The following SGCZ variants were observed in gnomAD, a reference collection of about 807,000 sequenced individuals.
The protein encoded by SGCZ is sarcoglycan zeta.
A neutral mutation model predicts 41.3 loss-of-function variants in SGCZ; 40 were observed. The observed-to-expected ratio is 0.97, with a 90% confidence interval of 0.75 to 1.26. The LOEUF (loss-of-function observed/expected upper bound fraction) is 1.26. Among genes scored for constraint, SGCZ ranks in the 50% most tolerant of loss-of-function variants. The probability of loss-of-function intolerance (pLI) is 0.00; values close to 1 mark genes in which losing one functional copy is unlikely to be tolerated. For missense variants in SGCZ, 552 were observed against 369.8 expected, an observed-to-expected ratio of 1.49 and a Z score of -4.04; for synonymous variants, 206 against 137.5, an observed-to-expected ratio of 1.50 and a Z score of -3.49.
chr8:14,143,178 G>T (rs1425463120), intron 5 of SGCZ, among the ~76,000 whole-genome samples: 1 of 152,034 alleles, frequency 6.6e-6, no homozygotes, highest in African/African-American at 2.4e-5. Context: ...ATTTGACAAA[G>T]AACGTATTTT....
chr8:14,880,993 G>A (rs1222290351), intron 1 of SGCZ, among the ~76,000 whole-genome samples: 1 of 151,738 alleles, frequency 6.6e-6, no homozygotes, highest in Non-Finnish European at 1.5e-5. Context: ...CTTAGTAAGA[G>A]CCCAAAATAC....
chr8:15,001,419 T>C (rs1802415594), intron 1 of SGCZ, among the ~76,000 whole-genome samples: 1 of 152,080 alleles, frequency 6.6e-6, no homozygotes, highest in African/African-American at 2.4e-5. Flanking sequence ...GTCGTGTGCA[T>C]TCTAGGGTGA....
At chr8:14,353,806 C>T (rs904476538) in intron 2 of SGCZ, among the ~76,000 whole-genome samples, 6 of 151,928 alleles carry the variant, frequency 3.9e-5, no homozygotes, top group African/African-American at 7.3e-5. Context: ...CTCCTAGAGA[C>T]CTAAGGATGA....
At chr8:14,221,908 C>A (rs1458733217) in intron 4 of SGCZ, among the ~76,000 whole-genome samples, 7 of 151,434 alleles carry the variant, frequency 4.6e-5, no homozygotes, top group Admixed American at 3.9e-4. Flanking sequence ...TTGCAGTGAG[C>A]CGAGATCATG....
chr8:14,493,349 A>G (rs927925794), intron 2 of SGCZ, among the ~76,000 whole-genome samples: 3 of 68,804 alleles, frequency 4.4e-5, no homozygotes, highest in Non-Finnish European at 6.1e-5. Flanking sequence ...TTTTCCCACT[A>G]TCATCCTTTC....
At position 14,382,214 on chromosome 8, in the gene SGCZ, C is replaced by A. The variant is rs924108772; in HGVS notation, c.235-58010G>T. On this transcript the variant is annotated intron_variant, in intron 2 of 7. Coordinates refer to ENST00000382080, the MANE Select transcript of SGCZ (RefSeq NM_139167.4). The stretch of plus-strand genomic sequence containing the variant: ...TGACAATGAAATTAGATATCATCAC[C>A]CCCTTGAGCTCTTCTGTGTAGCTGG... 2.6e-5 allele frequency among the ~76,000 whole-genome samples: 4 copies of A among 152,144 alleles called. 1 individual carries two copies. The South Asian group carries it at 8.3e-4, about 32-fold the overall frequency.
chr8:15,164,762 A>G (rs1198783406), intron 1 of SGCZ, among the ~76,000 whole-genome samples: 2 of 151,938 alleles, frequency 1.3e-5, no homozygotes, highest in Admixed American at 6.6e-5. Flanking sequence ...GCTGTGGCCA[A>G]TCTGGTGTGC....
At chr8:15,197,205 G>C (rs1262661610) in intron 1 of SGCZ, among the ~76,000 whole-genome samples, 1 of 152,128 alleles carries the variant, frequency 6.6e-6, no homozygotes. Context: ...ACCCTGTCAG[G>C]TGTCTTTATT....
rs138556501 is a variant in SGCZ at position 14,354,873 on chromosome 8, A to T, written c.235-30669T>A. On this transcript the variant is annotated intron_variant, in intron 2 of 7. Coordinates refer to ENST00000382080, the MANE Select transcript of SGCZ (RefSeq NM_139167.4). ...AGTAAAGCAACACAAATTTTATATAAATTTATAATATATTGTAAAATTTTA... is the reference window on the plus strand; with the variant it reads ...AGTAAAGCAACACAAATTTTATATATATTTATAATATATTGTAAAATTTTA... Among the ~76,000 whole-genome samples the T allele has an allele frequency of 1.9e-3, 284 of 152,004 alleles. 1 individual carries two copies. Among genetic ancestry groups the T allele is most frequent in the African/African-American group, 6.7e-3 (279 of 41,532 alleles).
intron 1 of SGCZ, among the ~76,000 whole-genome samples, chr8:14,717,009 T>C (rs1809711494): frequency 6.6e-6 from 1 of 152,144 alleles, no homozygotes. Context: ...GCATGAAAGG[T>C]ATGTAGTAAA....
intron 5 of SGCZ, among the ~76,000 whole-genome samples, chr8:14,146,468 C>T (rs1803523452): frequency 6.6e-6 from 1 of 152,076 alleles, no homozygotes; most frequent in Admixed American, 6.6e-5. Flanking sequence ...AAGAAAAGGA[C>T]ATTAATTAGC....
intron 3 of SGCZ, among the ~76,000 whole-genome samples, chr8:14,289,997 T>G (rs1394322811): frequency 6.6e-6 from 1 of 151,512 alleles, no homozygotes; most frequent in Non-Finnish European, 1.5e-5. Context: ...AAACAGCAGA[T>G]CTTGTGAGAA....
chr8:14,189,292 G>T (rs1266282098), intron 4 of SGCZ, among the ~76,000 whole-genome samples: 1 of 152,076 alleles, frequency 6.6e-6, no homozygotes, highest in African/African-American at 2.4e-5. Flanking sequence ...AGAAGCCAGA[G>T]TCATATATTT....
intron 4 of SGCZ, among the ~76,000 whole-genome samples, chr8:14,208,583 C>G (rs900192950): frequency 6.6e-6 from 1 of 152,090 alleles, no homozygotes; most frequent in Non-Finnish European, 1.5e-5. Flanking sequence ...ATGAAACAAA[C>G]TCAATATTAG....
At chr8:14,341,788 C>A (rs1329102646) in intron 2 of SGCZ, among the ~76,000 whole-genome samples, 13 of 152,170 alleles carry the variant, frequency 8.5e-5, no homozygotes, top group African/African-American at 3.1e-4. Flanking sequence ...GCATCTTCCT[C>A]ATTTTTCTCT....
chr8:14,586,510 G>T (rs1415542870), intron 1 of SGCZ, among the ~76,000 whole-genome samples: 4 of 152,160 alleles, frequency 2.6e-5, no homozygotes, highest in Non-Finnish European at 5.9e-5. Flanking sequence ...ACCACGCCCA[G>T]CGCAAAATAT....
At chr8:14,151,099 A>C (rs1241549852) in intron 5 of SGCZ, among the ~76,000 whole-genome samples, 1 of 152,086 alleles carries the variant, frequency 6.6e-6, no homozygotes, top group East Asian at 1.9e-4. Context: ...AATGAATAAG[A>C]CCTGTTTGAT....
rs573356386 is a variant in SGCZ at position 14,148,420 on chromosome 8, T to C, written c.547+16160A>G. 1.2e-4 allele frequency among the ~76,000 whole-genome samples: 18 copies of C among 151,910 alleles called. No individual in the cohort carries two copies. The South Asian group carries it at 3.7e-3, about 32-fold the overall frequency. ...CTATGAGCAACTATATGACAACAAA[T>C]TGGAAAATCTAGAAGAAATGGACAA... On this transcript the variant is annotated intron_variant, in intron 5 of 7. Transcript: ENST00000382080.
chr8:14,684,386 G>A (rs370138144), intron 1 of SGCZ, among the ~76,000 whole-genome samples: 74 of 152,158 alleles, frequency 4.9e-4, no homozygotes, highest in Non-Finnish European at 8.1e-4. Context: ...GACACATTTT[G>A]GTTCGTTACA....
Sources: gnomAD v4.1 joint callset for allele counts (sites outside exome capture counted in the v4.1 genomes callset) on GRCh38, gnomAD v4.1.1 for gene constraint, MANE v1.5 for transcripts, NCBI Gene and HGNC (gene_info 2026-07-23, HGNC 2026-07-21) for gene names.